Variants in CWC27 observed in about 807,000 individuals in gnomAD.
The protein encoded by CWC27 is CWC27 spliceosome associated cyclophilin.
A neutral mutation model predicts 63.6 loss-of-function variants in CWC27; 47 were observed. The observed-to-expected ratio is 0.74, with a 90% CI of 0.58 to 0.94. The LOEUF is 0.94. CWC27 is among the 40% of genes least tolerant of loss of function. The pLI, the probability that CWC27 is intolerant of heterozygous loss-of-function variation, is 0.00. For missense variants in CWC27, 495 were observed against 554.3 expected (o/e 0.89, Z 1.07); for synonymous variants, 175 against 179.8 (o/e 0.97, Z 0.22).
Position 64,772,817 on chromosome 5 carries a change from G to A in CWC27, c.43-1874G>A, listed in dbSNP as rs532634525. On this transcript the variant is annotated intron_variant, in intron 1 of 13. Coordinates refer to ENST00000381070, the MANE Select transcript of CWC27 (RefSeq NM_005869.4). ...CTGGGTGTGGCGGTGGGTGCCTGTA[G>A]TCCCAGCTACTCGGGAGGCTGAGGC... Among the ~76,000 whole-genome samples the A allele has an allele frequency of 4.0e-5, 6 of 150,086 alleles. 1 individual carries two copies. The highest frequency in any genetic ancestry group is 1.5e-4 in the African/African-American group (6 of 40,822).
intron 11 of CWC27, among the ~76,000 whole-genome samples, chr5:64,951,306 C>CA (rs1343161860): frequency 1.3e-5 from 2 of 151,980 alleles, no homozygotes; most frequent in Non-Finnish European, 2.9e-5. Flanking sequence ...TTTTAATATG[C>CA]ATTTCCCTAA....
intron 12 of CWC27, among the ~76,000 whole-genome samples, chr5:64,974,441 A>G (rs577388715): frequency 1.3e-3 from 192 of 152,286 alleles, no homozygotes; most frequent in African/African-American, 4.5e-3. Flanking sequence ...AATGAGGAAG[A>G]AGAAAAAGTG....
chr5:64,801,288 T>A lies in CWC27; in HGVS notation c.750-14T>A. 1.4e-6 allele frequency: 2 copies of A among 1,420,810 alleles called. No homozygotes were observed. The highest frequency in any genetic ancestry group is 1.3e-5 in the South Asian group (1 of 76,986). The allele number at this position is 1,420,810 out of a possible 1,614,324, so 88.0% of individuals were successfully genotyped here. A position where few individuals can be genotyped will look rare whatever the true frequency, so the allele number is the denominator to read the frequency against. On this transcript the variant is annotated splice_polypyrimidine_tract_variant and intron_variant, in intron 8 of 13. Coordinates refer to ENST00000381070, the MANE Select transcript of CWC27 (RefSeq NM_005869.4). ...CCTTGAAACTAAAATTTGTTTTGCT[T>A]ATTTTTTTTATAGTGAAAAAGGTGA...
chr5:64,987,913 G>C (rs1749466273), intron 13 of CWC27, among the ~76,000 whole-genome samples: 1 of 151,988 alleles, frequency 6.6e-6, no homozygotes, highest in Admixed American at 6.6e-5. Context: ...GATTCCTTTG[G>C]GTTTACTATG....
At chr5:64,951,234 A>G (rs1420095782) in intron 11 of CWC27, among the ~76,000 whole-genome samples, 3 of 151,794 alleles carry the variant, frequency 2.0e-5, no homozygotes, top group Non-Finnish European at 4.4e-5. Flanking sequence ...TTGTCAATTA[A>G]TGGTATTATC....
intron 1 of CWC27, among the ~76,000 whole-genome samples, chr5:64,773,255 G>T (rs1245033726): frequency 1.3e-5 from 2 of 152,064 alleles, no homozygotes; most frequent in Non-Finnish European, 2.9e-5. Flanking sequence ...AGAGTATAAA[G>T]TCATTGTGAT....
intron 10 of CWC27, among the ~76,000 whole-genome samples, chr5:64,847,671 A>G (rs1580670213): frequency 6.6e-6 from 1 of 152,194 alleles, no homozygotes; most frequent in Admixed American, 6.5e-5. Flanking sequence ...AAATTATATT[A>G]AGTATATTTT....
At chr5:64,880,949 G>A (rs910776734) in intron 10 of CWC27, among the ~76,000 whole-genome samples, 2 of 147,206 alleles carry the variant, frequency 1.4e-5, no homozygotes, top group Admixed American at 1.4e-4. Context: ...CCCATAGTTT[G>A]GCAGTATATG....
intron 7 of CWC27, among the ~76,000 whole-genome samples, chr5:64,798,933 T>C (rs1253746831): frequency 1.3e-5 from 2 of 152,100 alleles, no homozygotes; most frequent in Non-Finnish European, 2.9e-5. Context: ...GTGAGCATCT[T>C]CCCCCCTCAA....
intron 13 of CWC27, among the ~76,000 whole-genome samples, chr5:65,004,909 T>C (rs10040133): frequency 0.25 from 16,272 of 64,642 alleles, 2,862 homozygotes; most frequent in African/African-American, 0.38. Context: ...TATATATACA[T>C]ACACACACAC....
intron 11 of CWC27, among the ~76,000 whole-genome samples, chr5:64,942,535 T>C (rs918782874): frequency 1.3e-5 from 2 of 150,758 alleles, no homozygotes; most frequent in African/African-American, 4.9e-5. Context: ...ATATGTATAA[T>C]ATATTTAAGG....
At chr5:64,832,801 A>G (rs1366656808) in intron 10 of CWC27, among the ~76,000 whole-genome samples, 2 of 151,848 alleles carry the variant, frequency 1.3e-5, no homozygotes, top group African/African-American at 2.4e-5. Context: ...ACAAATGTCA[A>G]AACAGTGAAA....
At chr5:64,904,600 A>T (rs930715269) in intron 11 of CWC27, among the ~76,000 whole-genome samples, 1 of 152,224 alleles carries the variant, frequency 6.6e-6, no homozygotes, top group Non-Finnish European at 1.5e-5. Flanking sequence ...GAAAGCTACA[A>T]TGCCTGCTAT....
chr5:64,879,031 T>C (rs1746873140), intron 10 of CWC27, among the ~76,000 whole-genome samples: 1 of 151,902 alleles, frequency 6.6e-6, no homozygotes, highest in Admixed American at 6.6e-5. Flanking sequence ...AGTAGGAGAC[T>C]GTTAACCAAG....
intron 11 of CWC27, among the ~76,000 whole-genome samples, chr5:64,954,428 A>G (rs2112428020): frequency 6.6e-6 from 1 of 152,138 alleles, no homozygotes; most frequent in Non-Finnish European, 1.5e-5. Context: ...AGCTAGGACT[A>G]CAGGTATATG....
At chr5:64,799,249 G>A (rs9763484) in intron 7 of CWC27, among the ~76,000 whole-genome samples, 55,442 of 151,870 alleles carry the variant, frequency 0.37, 10,722 homozygotes, top group East Asian at 0.51. Context: ...GAAGAAGAGA[G>A]GGTTAGCAAT....
intron 10 of CWC27, among the ~76,000 whole-genome samples, chr5:64,864,089 T>C (rs1444072409): frequency 6.6e-6 from 1 of 152,210 alleles, no homozygotes; most frequent in Non-Finnish European, 1.5e-5. Context: ...ATTTTTTTAT[T>C]ACCAATTTTT....
intron 10 of CWC27, among the ~76,000 whole-genome samples, chr5:64,848,418 A>C (rs536377379): frequency 6.6e-6 from 1 of 152,130 alleles, no homozygotes; most frequent in Admixed American, 6.5e-5. Flanking sequence ...CATTTAAAGA[A>C]CTGATATCAA....
intron 10 of CWC27, among the ~76,000 whole-genome samples, chr5:64,847,614 C>A (rs1056998600): frequency 2.6e-5 from 4 of 152,138 alleles, no homozygotes; most frequent in Non-Finnish European, 5.9e-5. Flanking sequence ...ACAGAACATT[C>A]TTCAGCTTAG....
Sources: gnomAD v4.1 joint callset for allele counts (sites outside exome capture counted in the v4.1 genomes callset) on GRCh38, gnomAD v4.1.1 for gene constraint, MANE v1.5 for transcripts, NCBI Gene and HGNC (gene_info 2026-07-23, HGNC 2026-07-21) for gene names.